VEPH1: variants seen among roughly 807,000 people sequenced by gnomAD.
VEPH1 encodes ventricular zone expressed PH domain containing 1.
A neutral mutation model predicts 85.2 loss-of-function variants in VEPH1; 80 were observed. The observed-to-expected ratio is 0.94, with a 90% CI of 0.78 to 1.13. The LOEUF (loss-of-function observed/expected upper bound fraction) is 1.13, where lower values mean the gene tolerates loss of function less well. Among genes scored for constraint, VEPH1 ranks in the 50% most tolerant of loss-of-function variants. The pLI is 0.00. For missense variants in VEPH1, 955 were observed against 980.5 expected, an observed-to-expected ratio of 0.97 and a Z score of 0.35; for synonymous variants, 297 against 348.0, an observed-to-expected ratio of 0.85 and a Z score of 1.63.
At chr3:157,398,454 T>C (rs1730579118) in intron 6 of VEPH1, among the ~76,000 whole-genome samples, 1 of 151,912 alleles carries the variant, frequency 6.6e-6, no homozygotes, top group Non-Finnish European at 1.5e-5. Context: ...GCCAATATGG[T>C]GAAACACCAT....
At chr3:157,498,426 A>G (rs937721483) in intron 1 of VEPH1, among the ~76,000 whole-genome samples, 1 of 152,214 alleles carries the variant, frequency 6.6e-6, no homozygotes, top group Non-Finnish European at 1.5e-5. Context: ...TGTGTCAGGT[A>G]CTTATCTCAG....
At chr3:157,306,808 A>G (rs1231426761) in intron 11 of VEPH1, among the ~76,000 whole-genome samples, 3 of 151,980 alleles carry the variant, frequency 2.0e-5, no homozygotes, top group African/African-American at 7.2e-5. Flanking sequence ...ATTTTAGTGC[A>G]CCCTTCATCT....
intron 11 of VEPH1, among the ~76,000 whole-genome samples, chr3:157,293,731 AAAAT>A (rs1182482864): frequency 1.3e-5 from 2 of 152,246 alleles, no homozygotes. Context: ...AGTTGAGTAG[AAAAT>A]AAAGGTGGCA....
At chr3:157,282,557 T>A (rs938884282) in intron 12 of VEPH1, among the ~76,000 whole-genome samples, 5 of 152,240 alleles carry the variant, frequency 3.3e-5, no homozygotes, top group African/African-American at 4.8e-5. Flanking sequence ...CTTAGATTTA[T>A]CGAGGAGGAC....
At chr3:157,426,881 C>A (rs1483918648) in intron 5 of VEPH1, among the ~76,000 whole-genome samples, 1 of 150,430 alleles carries the variant, frequency 6.6e-6, no homozygotes, top group Non-Finnish European at 1.5e-5. Flanking sequence ...AATCTCAGCT[C>A]ACTGCAACCT....
At chr3:157,412,104 C>A (rs922194670) in intron 6 of VEPH1, among the ~76,000 whole-genome samples, 2 of 152,160 alleles carry the variant, frequency 1.3e-5, no homozygotes, top group African/African-American at 4.8e-5. Flanking sequence ...CTTTGCCTTC[C>A]ACCATGATTG....
At chr3:157,287,046 T>G (rs537218757) in intron 11 of VEPH1, among the ~76,000 whole-genome samples, 25 of 152,186 alleles carry the variant, frequency 1.6e-4, no homozygotes, top group Non-Finnish European at 3.2e-4. Flanking sequence ...GGATTTACAT[T>G]TATATAAAAT....
At chr3:157,360,952 C>G (rs976746132) in intron 9 of VEPH1, among the ~76,000 whole-genome samples, 1 of 152,150 alleles carries the variant, frequency 6.6e-6, no homozygotes, top group African/African-American at 2.4e-5. Context: ...TTCCACAAGA[C>G]TAAAACTCAT....
At chr3:157,415,157 T>C (rs1043381734) in intron 5 of VEPH1, 11 of 152,188 alleles carry the variant, frequency 7.2e-5, no homozygotes, top group African/African-American at 2.7e-4. Context: ...AATCATCATG[T>C]CCTGTTGATT....
intron 9 of VEPH1, among the ~76,000 whole-genome samples, chr3:157,343,997 T>C (rs1218796768): frequency 6.6e-6 from 1 of 152,176 alleles, no homozygotes; most frequent in Non-Finnish European, 1.5e-5. Flanking sequence ...TGAAAAACTC[T>C]CAATAAATTA....
chr3:157,299,488 AG>A (rs1294298285), intron 11 of VEPH1, among the ~76,000 whole-genome samples: 2 of 143,230 alleles, frequency 1.4e-5, no homozygotes, highest in African/African-American at 5.2e-5. Context: ...TGAGCCTGGG[AG>A]GTCGAGGCTG....
At chr3:157,431,519 G>A (rs544755336) in intron 4 of VEPH1, among the ~76,000 whole-genome samples, 2 of 151,996 alleles carry the variant, frequency 1.3e-5, no homozygotes, top group South Asian at 4.2e-4. Flanking sequence ...ATTGTATTGG[G>A]TTTAACTGAA....
intron 6 of VEPH1, among the ~76,000 whole-genome samples, chr3:157,398,971 A>T (rs547020773): frequency 6.6e-6 from 1 of 152,324 alleles, no homozygotes; most frequent in South Asian, 2.1e-4. Context: ...AGTCAAGTTG[A>T]CACCTAATAC....
At chr3:157,392,555 G>A (rs748265523) in intron 6 of VEPH1, among the ~76,000 whole-genome samples, 4 of 151,992 alleles carry the variant, frequency 2.6e-5, no homozygotes, top group African/African-American at 7.3e-5. Flanking sequence ...GGGCCACATC[G>A]GAAGAAGAAG....
intron 4 of VEPH1, among the ~76,000 whole-genome samples, chr3:157,446,696 A>C (rs1173111263): frequency 6.6e-6 from 1 of 152,142 alleles, no homozygotes; most frequent in African/African-American, 2.4e-5. Context: ...TGCACTCCTA[A>C]GGTTAAAGTC....
chr3:157,350,956 A>G (rs1053501862), intron 9 of VEPH1, among the ~76,000 whole-genome samples: 2 of 152,344 alleles, frequency 1.3e-5, no homozygotes, highest in South Asian at 4.1e-4. Context: ...AGAGAACAGT[A>G]TGGAGGTCCC....
At chr3:157,314,093 G>A (rs959144726) in intron 10 of VEPH1, among the ~76,000 whole-genome samples, 12 of 152,046 alleles carry the variant, frequency 7.9e-5, no homozygotes, top group Non-Finnish European at 1.5e-4. Context: ...AGCACTTTGG[G>A]AGGCTGAGGT....
At chr3:157,339,681 G>A (rs1448741352) in intron 9 of VEPH1, among the ~76,000 whole-genome samples, 2 of 152,200 alleles carry the variant, frequency 1.3e-5, no homozygotes, top group African/African-American at 2.4e-5. Flanking sequence ...GAACACAAAG[G>A]AATGCACTGC....
rs958879824 is a variant in VEPH1, at chr3:157,488,162, G to A, written c.138+7050C>T. On this transcript the variant is annotated intron_variant, in intron 2 of 13. Coordinates refer to ENST00000362010, the MANE Select transcript of VEPH1 (RefSeq NM_001167912.2). ...TCCATTTAAAACATATTTTTTTCTT[G>A]ATTCTCTCCTCTCTCCCCATCTCAT... 2.0e-5 allele frequency among the ~76,000 whole-genome samples: 3 copies of A among 151,976 alleles called. No homozygotes were observed. In the East Asian group the frequency reaches 5.8e-4, roughly 29 times the overall value.
Sources: allele counts gnomAD v4.1 joint callset (sites outside exome capture counted in the v4.1 genomes callset), GRCh38; gene constraint gnomAD v4.1.1; transcripts MANE v1.5; gene names NCBI Gene and HGNC (gene_info 2026-07-23, HGNC 2026-07-21).